Variants in MAN2A1 observed in about 807,000 individuals in gnomAD.
MAN2A1 encodes the protein alpha-mannosidase 2.
In MAN2A1, 76 loss-of-function variants were observed where a neutral mutation model predicts 142.6. That is an observed-to-expected ratio of 0.53 (90% confidence interval 0.44 to 0.65). The LOEUF is 0.65. Among genes scored for constraint, MAN2A1 ranks in the 30% least tolerant of loss-of-function variants. The pLI is 0.00. For missense variants in MAN2A1, 1,311 were observed against 1,365.1 expected (o/e 0.96, Z 0.62); for synonymous variants, 559 against 473.2 (o/e 1.18, Z -2.35).
At chr5:109,837,594 T>C (rs911157963) in intron 16 of MAN2A1, among the ~76,000 whole-genome samples, 3 of 152,190 alleles carry the variant, frequency 2.0e-5, no homozygotes, top group Non-Finnish European at 4.4e-5. Context: ...GGAGTCATTA[T>C]ATGTAAAGCT....
At chr5:109,804,405 CA>C (rs1754111097) in intron 12 of MAN2A1, 1 of 344,136 alleles carries the variant, frequency 2.9e-6, no homozygotes, top group African/African-American at 2.2e-5. Flanking sequence ...CGTTACTTTT[CA>C]AACTGAAACA....
chr5:109,832,765 G>A (rs905822712), intron 16 of MAN2A1, among the ~76,000 whole-genome samples: 7 of 150,742 alleles, frequency 4.6e-5, no homozygotes, highest in African/African-American at 7.3e-5. Flanking sequence ...TGGCCGGGCC[G>A]GGGCTGCCCC....
intron 16 of MAN2A1, among the ~76,000 whole-genome samples, chr5:109,833,548 C>T (rs1180805237): frequency 1.3e-5 from 2 of 152,218 alleles, no homozygotes; most frequent in South Asian, 4.2e-4. Context: ...CGTGCGCCTG[C>T]AATCCCAGGC....
chr5:109,755,523 C>G, intron 5 of MAN2A1, 67 bp downstream of exon 5: 5 of 1,270,562 alleles, frequency 3.9e-6, no homozygotes, highest in Non-Finnish European at 5.5e-6. Flanking sequence ...TGAAGTGAGG[C>G]TCTGTTCTTT....
At chr5:109,818,218 G>A (rs1346947038) in intron 13 of MAN2A1, among the ~76,000 whole-genome samples, 2 of 151,996 alleles carry the variant, frequency 1.3e-5, no homozygotes, top group Non-Finnish European at 2.9e-5. Flanking sequence ...TCGGCGCACC[G>A]CAACCTCTGT....
At chr5:109,720,150 A>T (rs1425300793) in intron 3 of MAN2A1, among the ~76,000 whole-genome samples, 2 of 152,196 alleles carry the variant, frequency 1.3e-5, no homozygotes, top group Non-Finnish European at 2.9e-5. Context: ...AAGAAGTCAC[A>T]GTGTGTGGAG....
chr5:109,692,190 A>G (rs1057377408), intron 1 of MAN2A1, among the ~76,000 whole-genome samples: 4 of 152,184 alleles, frequency 2.6e-5, no homozygotes, highest in African/African-American at 9.7e-5. Flanking sequence ...GTTACTGAGA[A>G]ATCTTAGGCA....
At chr5:109,801,532 T>C (rs1250862869) in intron 12 of MAN2A1, among the ~76,000 whole-genome samples, 1 of 152,090 alleles carries the variant, frequency 6.6e-6, no homozygotes, top group Non-Finnish European at 1.5e-5. Flanking sequence ...TTTCTATCAA[T>C]AAAGGAGAAA....
At chr5:109,821,262 A>C (rs1379186386) in intron 15 of MAN2A1, among the ~76,000 whole-genome samples, 1 of 152,150 alleles carries the variant, frequency 6.6e-6, no homozygotes, top group Non-Finnish European at 1.5e-5. Flanking sequence ...CAGTGCTCAC[A>C]ATCTGATGGT....
At chr5:109,737,233 A>G (rs1752128781) in intron 4 of MAN2A1, among the ~76,000 whole-genome samples, 1 of 151,342 alleles carries the variant, frequency 6.6e-6, no homozygotes, top group Non-Finnish European at 1.5e-5. Flanking sequence ...GCTGGGATTA[A>G]GGCACCTGCC....
chr5:109,759,425 G>C (rs186640019), intron 5 of MAN2A1, among the ~76,000 whole-genome samples: 14 of 152,212 alleles, frequency 9.2e-5, no homozygotes, highest in African/African-American at 3.4e-4. Flanking sequence ...CCTGTCACCA[G>C]CATGAAGTTT....
At chr5:109,866,776 A>G in intron 21 of MAN2A1, 70 bp from the exon 22 acceptor site, 1 of 996,052 alleles carries the variant, frequency 1.0e-6, no homozygotes, top group Non-Finnish European at 1.5e-6. Context: ...TAATTTTCAC[A>G]GAATATGTAG....
intron 20 of MAN2A1, among the ~76,000 whole-genome samples, chr5:109,860,041 C>G (rs1004475726): frequency 1.3e-5 from 2 of 151,994 alleles, no homozygotes; most frequent in Non-Finnish European, 2.9e-5. Context: ...AATATCAGCA[C>G]CACTTACTGA....
rs781183663 is a variant in MAN2A1 at position 109,855,096 on chromosome 5, C to T, written c.2977-44C>T. 3 of 1,055,824 alleles carry T rather than the reference C, an allele frequency of 2.8e-6. No homozygotes were observed. The South Asian group carries it at 6.8e-5, about 24-fold the overall frequency. The allele number at this position is 1,055,824 out of a possible 1,614,324, so 65.4% of individuals were successfully genotyped here. On this transcript the variant is annotated intron_variant, in intron 19 of 21. Transcript: ENST00000261483. ...GATAATTCTGTTAATATGATGAGAA[C>T]TGGAAATATAGACCTCTTAAACATT...
At chr5:109,807,483 T>G (rs1387903189) in intron 12 of MAN2A1, among the ~76,000 whole-genome samples, 1 of 152,222 alleles carries the variant, frequency 6.6e-6, no homozygotes, top group Non-Finnish European at 1.5e-5. Flanking sequence ...GGCTGGTTCC[T>G]TCTGGCGGCT....
chr5:109,726,185 A>T (rs1751739872), intron 3 of MAN2A1, among the ~76,000 whole-genome samples: 2 of 152,224 alleles, frequency 1.3e-5, no homozygotes, highest in South Asian at 4.1e-4. Context: ...GTGTCCTAAG[A>T]TTATTAAATC....
chr5:109,738,756 T>A (rs1582844351), intron 4 of MAN2A1, among the ~76,000 whole-genome samples: 1 of 152,302 alleles, frequency 6.6e-6, no homozygotes, highest in East Asian at 1.9e-4. Context: ...AGTGCTTTTT[T>A]AACTTTTATT....
intron 19 of MAN2A1, among the ~76,000 whole-genome samples, chr5:109,849,776 T>C (rs2075136782): frequency 6.6e-6 from 1 of 151,924 alleles, no homozygotes; most frequent in African/African-American, 2.4e-5. Context: ...TATCTTCTCA[T>C]TGCTATCAGT....
At chr5:109,742,647 A>C (rs531717818) in intron 4 of MAN2A1, among the ~76,000 whole-genome samples, 37 of 152,302 alleles carry the variant, frequency 2.4e-4, no homozygotes, top group Non-Finnish European at 5.0e-4. Flanking sequence ...CGTTTTATAC[A>C]GGTTGGATTT....
Sources: allele counts gnomAD v4.1 joint callset (sites outside exome capture counted in the v4.1 genomes callset), GRCh38; gene constraint gnomAD v4.1.1; transcripts MANE v1.5; gene names NCBI Gene and HGNC (gene_info 2026-07-23, HGNC 2026-07-21).